The following RAD51B variants were observed in gnomAD, a reference collection of about 807,000 sequenced individuals.
The protein encoded by RAD51B is RAD51 paralog B, also known as DNA repair protein RAD51 homolog 2.
A neutral mutation model predicts 42.2 loss-of-function variants in RAD51B; 38 were observed. The observed-to-expected ratio is 0.90, with a 90% CI of 0.70 to 1.18. The LOEUF (loss-of-function observed/expected upper bound fraction) is 1.18, where lower values mean the gene tolerates loss of function less well. RAD51B is among the 50% of genes most tolerant of loss of function. The pLI is 0.00. For missense variants in RAD51B, 373 were observed against 400.7 expected, an observed-to-expected ratio of 0.93 and a Z score of 0.59; for synonymous variants, 154 against 145.2, an observed-to-expected ratio of 1.06 and a Z score of -0.43.
chr14:68,145,520 A>G (rs1007958239), intron 7 of RAD51B, among the ~76,000 whole-genome samples: 29 of 152,348 alleles, frequency 1.9e-4, no homozygotes, highest in Admixed American at 1.7e-3. Context: ...TATGTTTAAT[A>G]AGTTATTATA....
At chr14:68,195,890 A>G (rs1475008246) in intron 7 of RAD51B, among the ~76,000 whole-genome samples, 1 of 142,644 alleles carries the variant, frequency 7.0e-6, no homozygotes, top group Non-Finnish European at 1.5e-5. Context: ...CCTGGGCCAC[A>G]AGAGCAGAGC....
At chr14:67,871,265 A>T (rs1313387634) in intron 5 of RAD51B, among the ~76,000 whole-genome samples, 1 of 152,144 alleles carries the variant, frequency 6.6e-6, no homozygotes, top group African/African-American at 2.4e-5. Flanking sequence ...ATCATCACCG[A>T]TCCCACAGAA....
At chr14:68,220,857 G>C (rs111728212) in intron 7 of RAD51B, among the ~76,000 whole-genome samples, 331 of 152,306 alleles carry the variant, frequency 2.2e-3, no homozygotes, top group Non-Finnish European at 3.9e-3. Context: ...CCCCGGCCAG[G>C]CATGGTGGCT....
At chr14:68,228,752 G>A (rs1245708647) in intron 7 of RAD51B, among the ~76,000 whole-genome samples, 1 of 152,156 alleles carries the variant, frequency 6.6e-6, no homozygotes, top group Non-Finnish European at 1.5e-5. Context: ...TCTAGATTTA[G>A]CCTGGCATTG....
At chr14:68,099,335 A>C (rs966096218) in intron 7 of RAD51B, among the ~76,000 whole-genome samples, 7 of 152,196 alleles carry the variant, frequency 4.6e-5, no homozygotes, top group Non-Finnish European at 1.0e-4. Context: ...TAGGTTATAG[A>C]TGTCTGTGAA....
intron 5 of RAD51B, among the ~76,000 whole-genome samples, chr14:67,880,427 T>C (rs1010306483): frequency 3.9e-5 from 6 of 152,214 alleles, no homozygotes; most frequent in African/African-American, 1.4e-4. Flanking sequence ...ATGTTTTTCC[T>C]TGAGACAATG....
intron 7 of RAD51B, among the ~76,000 whole-genome samples, chr14:68,072,326 C>G (rs1032188978): frequency 6.6e-6 from 1 of 150,444 alleles, no homozygotes; most frequent in African/African-American, 2.5e-5. Context: ...CTTACATTAT[C>G]ACAAGGTCCC....
chr14:68,511,281 GAGGCTGGAAGGGTTACTGC>G (rs1344810716), intron 10 of RAD51B, among the ~76,000 whole-genome samples: 1 of 152,186 alleles, frequency 6.6e-6, no homozygotes, highest in East Asian at 1.9e-4. Flanking sequence ...GCGCTTCTCT[GAGGCTGGAAGGGTTACTGC>G]AGCCTTCACT....
chr14:68,366,712 T>A (rs1336643994), intron 8 of RAD51B, among the ~76,000 whole-genome samples: 1 of 152,158 alleles, frequency 6.6e-6, no homozygotes, highest in Non-Finnish European at 1.5e-5. Context: ...AACTGGTAAA[T>A]AAATAACAGG....
At chr14:68,536,697 T>A (rs1311335955) in intron 10 of RAD51B, among the ~76,000 whole-genome samples, 2 of 152,238 alleles carry the variant, frequency 1.3e-5, no homozygotes, top group Non-Finnish European at 2.9e-5. Context: ...TTGATTTAGA[T>A]CCTTGTGGAA....
intron 7 of RAD51B, among the ~76,000 whole-genome samples, chr14:68,095,971 CAAAAAAAAAAA>C (rs56862052): frequency 6.4e-5 from 4 of 62,616 alleles, no homozygotes; most frequent in Non-Finnish European, 1.4e-4. Flanking sequence ...GACTCCGTCT[CAAAAAAAAAAA>C]AAAAAAAAAA....
intron 10 of RAD51B, among the ~76,000 whole-genome samples, chr14:68,526,741 G>A (rs1211595285): frequency 6.6e-6 from 1 of 152,188 alleles, no homozygotes; most frequent in African/African-American, 2.4e-5. Flanking sequence ...GAGGATCTCA[G>A]CCCACTGCAT....
intron 7 of RAD51B, among the ~76,000 whole-genome samples, chr14:68,027,643 A>T (rs1045762319): frequency 6.6e-6 from 1 of 152,182 alleles, no homozygotes; most frequent in African/African-American, 2.4e-5. Flanking sequence ...ACTTCCAATT[A>T]TTCCAATTAT....
In RAD51B at chr14:68,282,163, A is replaced by G. The variant is rs139322485; in HGVS notation, c.757-9721A>G. ...CGCCTGACTAATTTTTTGTAGTTTTAGTAGAGACAGGGTTTCACCATGTTG... is the reference window on the plus strand; with the variant it reads ...CGCCTGACTAATTTTTTGTAGTTTTGGTAGAGACAGGGTTTCACCATGTTG... On this transcript the variant is annotated intron_variant, in intron 7 of 10. Transcript: ENST00000471583. 8.6e-3 allele frequency among the ~76,000 whole-genome samples: 1,312 copies of G among 152,144 alleles called. 7 individuals carry two copies. Among genetic ancestry groups the G allele is most frequent in the Middle Eastern group, 0.045 (13 of 292 alleles).
At chr14:68,019,657 A>G (rs1287954052) in intron 7 of RAD51B, among the ~76,000 whole-genome samples, 1 of 152,080 alleles carries the variant, frequency 6.6e-6, no homozygotes, top group African/African-American at 2.4e-5. Context: ...GGATTTTGGT[A>G]TATGTGGTGC....
intron 10 of RAD51B, among the ~76,000 whole-genome samples, chr14:68,637,597 C>T (rs1473231258): frequency 6.6e-6 from 1 of 152,124 alleles, no homozygotes; most frequent in Non-Finnish European, 1.5e-5. Flanking sequence ...AGCACAAAGG[C>T]AGCAAGATTA....
intron 8 of RAD51B, among the ~76,000 whole-genome samples, chr14:68,401,915 T>C (rs2084116774): frequency 6.6e-6 from 1 of 152,172 alleles, no homozygotes. Context: ...ATAGATAGCG[T>C]GTGGTCCCTG....
chr14:67,980,305 C>T (rs954265991), intron 7 of RAD51B, among the ~76,000 whole-genome samples: 54 of 152,078 alleles, frequency 3.6e-4, no homozygotes, highest in Non-Finnish European at 6.5e-4. Flanking sequence ...ATTAGCTGGG[C>T]GTGCTGGCGG....
chr14:68,452,546 A>G (rs1280518008), intron 9 of RAD51B, among the ~76,000 whole-genome samples: 2 of 152,222 alleles, frequency 1.3e-5, no homozygotes, highest in African/African-American at 4.8e-5. Flanking sequence ...GTTCTGTAGC[A>G]TGTGTGTGAA....
Sources: allele counts gnomAD v4.1 joint callset (sites outside exome capture counted in the v4.1 genomes callset), GRCh38; gene constraint gnomAD v4.1.1; transcripts MANE v1.5; gene names NCBI Gene and HGNC (gene_info 2026-07-23, HGNC 2026-07-21).